Variants in ZNF724 observed in about 807,000 individuals in gnomAD.
The protein encoded by ZNF724 is zinc finger protein 724.
ZNF724 carries 14 observed loss-of-function variants against 29.3 expected under a neutral mutation model. That is an observed-to-expected ratio of 0.48 (90% CI 0.32 to 0.75). The LOEUF is 0.75. Among genes scored for constraint, ZNF724 ranks in the 30% least tolerant of loss-of-function variants. The pLI is 0.04. For synonymous variants in ZNF724, 180 were observed against 193.6 expected, an observed-to-expected ratio of 0.93 and a Z score of 0.58; for missense variants, 557 against 571.2, an observed-to-expected ratio of 0.98 and a Z score of 0.25.
At chr19:23,246,623 C>A (rs542889553) in intron 1 of ZNF724, among the ~76,000 whole-genome samples, 2 of 151,872 alleles carry the variant, frequency 1.3e-5, no homozygotes, top group African/African-American at 4.8e-5. Context: ...CATTGCACTC[C>A]AGCCTGGGCG....
intron 1 of ZNF724, among the ~76,000 whole-genome samples, chr19:23,235,039 A>G (rs1320335714): frequency 1.3e-5 from 2 of 152,236 alleles, no homozygotes; most frequent in Admixed American, 6.5e-5. Flanking sequence ...GGTTCTTTAA[A>G]GTTTACAGAG....
At chr19:23,238,189 C>T (rs1370733502) in intron 1 of ZNF724, among the ~76,000 whole-genome samples, 1 of 151,858 alleles carries the variant, frequency 6.6e-6, no homozygotes, top group African/African-American at 2.4e-5. Context: ...CACGGTGAAA[C>T]CCCATCTCTA....
chr19:23,229,899 T>A (rs1040250550), intron 3 of ZNF724, among the ~76,000 whole-genome samples: 3 of 152,146 alleles, frequency 2.0e-5, no homozygotes. Flanking sequence ...TGTAGCAGAA[T>A]AATTAGAACA....
chr19:23,246,349 A>G (rs189926511), intron 1 of ZNF724, among the ~76,000 whole-genome samples: 20 of 152,290 alleles, frequency 1.3e-4, no homozygotes, highest in African/African-American at 4.6e-4. Flanking sequence ...GGAGGTACCA[A>G]GTTTTGTCTT....
At chr19:23,243,039 C>CAAAAAAAA (rs762188669) in intron 1 of ZNF724, among the ~76,000 whole-genome samples, 8 of 112,198 alleles carry the variant, frequency 7.1e-5, no homozygotes, top group Admixed American at 1.1e-4. Flanking sequence ...AACTCCATCT[C>CAAAAAAAA]AAAAAAAAAA....
Position 23,222,680 on chromosome 19 carries a change from G to C in ZNF724, c.1565C>G (p.Ala522Gly), listed in dbSNP as rs1328439477. 1.0e-5 allele frequency: 14 copies of C among 1,379,546 alleles called. No individual in the cohort carries two copies. In the South Asian group the frequency reaches 1.6e-4, roughly 16 times the overall value. The allele number at this position is 1,379,546 out of a possible 1,614,324, so 85.5% of individuals were successfully genotyped here. A position where few individuals can be genotyped will look rare whatever the true frequency, so the allele number is the denominator to read the frequency against. ...GKAFNQSSTL[A>G]RHKIIHAGEK... ...TCCAGCATGAATTATCTTATGTCTA[G>C]CAAGTGTCGAGGATTGGTTAAAAGC... The change falls in exon 4 of 4, where the codon GCT (alanine) becomes GGT (glycine). Residue 522 changes from alanine (A) to glycine (G), a missense_variant. This residue lies in a region of ZNF724 where 170 missense variants were observed against 220.7 expected (regional missense o/e 0.77). Coordinates refer to ENST00000418100, the MANE Select transcript of ZNF724 (RefSeq NM_001355404.2).
intron 3 of ZNF724, among the ~76,000 whole-genome samples, chr19:23,228,063 G>A (rs1011626262): frequency 1.3e-5 from 2 of 152,094 alleles, no homozygotes; most frequent in African/African-American, 4.8e-5. Flanking sequence ...CAGCTATATG[G>A]TACACTGAGG....
At chr19:23,235,979 T>C (rs3889130) in intron 1 of ZNF724, among the ~76,000 whole-genome samples, 129,477 of 152,118 alleles carry the variant, frequency 0.85, 55,157 homozygotes, top group South Asian at 0.93. Flanking sequence ...AAAGAATTTA[T>C]AGCACCATGT....
rs1198571467 is a variant in ZNF724, at chr19:23,223,887, C to A, written c.358G>T (p.Val120Leu). 1.3e-6 allele frequency: 1 copy of A among 778,012 alleles called. No individual in the cohort carries two copies. Among genetic ancestry groups the A allele is most frequent in the African/African-American group, 1.7e-5 (1 of 59,200 alleles). The allele number at this position is 778,012 out of a possible 1,614,324, so 48.2% of individuals were successfully genotyped here. ...NLQLKKGYKS[V>L]DEYKVHKGSY... ...CCTTTGTGCACCTTGTACTCATCCA[C>A]ACTTTTATAGCCTTTTTTTAACTGT... The change falls in exon 4 of 4, where the codon GTG (valine) becomes TTG (leucine). Residue 120 changes from valine (V) to leucine (L), a missense_variant. Transcript: ENST00000418100.
At chr19:23,235,809 A>C (rs898814799) in intron 1 of ZNF724, among the ~76,000 whole-genome samples, 8 of 152,214 alleles carry the variant, frequency 5.3e-5, no homozygotes, top group African/African-American at 1.9e-4. Flanking sequence ...AATATAATTA[A>C]AAGAAAAAAT....
intron 1 of ZNF724, among the ~76,000 whole-genome samples, chr19:23,243,998 G>GA: frequency 6.7e-6 from 1 of 150,148 alleles, no homozygotes. Context: ...GTATCTTGGT[G>GA]AAAAAATAAT....
chr19:23,249,343 C>G (rs1052976934), intron 1 of ZNF724, among the ~76,000 whole-genome samples: 9 of 149,828 alleles, frequency 6.0e-5, no homozygotes, highest in African/African-American at 2.2e-4. Flanking sequence ...CAGGTTCAAG[C>G]GATTGTCCCG....
intron 3 of ZNF724, 62 bp downstream of exon 3, chr19:23,231,204 G>T: frequency 8.7e-7 from 1 of 1,155,428 alleles, no homozygotes; most frequent in Non-Finnish European, 1.2e-6. Context: ...TTCAAAAACT[G>T]ACTTTCTCCT....
At chr19:23,246,805 T>G (rs912082323) in intron 1 of ZNF724, among the ~76,000 whole-genome samples, 1 of 152,242 alleles carries the variant, frequency 6.6e-6, no homozygotes, top group Non-Finnish European at 1.5e-5. Context: ...TACCACATTT[T>G]CTTGTGAACA....
intron 1 of ZNF724, among the ~76,000 whole-genome samples, chr19:23,246,230 C>T (rs1476530259): frequency 1.3e-5 from 2 of 152,090 alleles, no homozygotes; most frequent in Non-Finnish European, 2.9e-5. Context: ...AAGTTTTATA[C>T]CTCAATAAGA....
At chr19:23,228,873 G>C (rs1171923215) in intron 3 of ZNF724, among the ~76,000 whole-genome samples, 1 of 150,044 alleles carries the variant, frequency 6.7e-6, no homozygotes, top group East Asian at 2.0e-4. Context: ...CTGGGCGACA[G>C]AGCGAGACTC....
chr19:23,225,188 AC>A (rs1971804970), intron 3 of ZNF724, among the ~76,000 whole-genome samples: 1 of 152,200 alleles, frequency 6.6e-6, no homozygotes, highest in African/African-American at 2.4e-5. Context: ...AGATATGTAA[AC>A]ATCTATCTTT....
chr19:23,231,694 A>T (rs1971935764), intron 2 of ZNF724, among the ~76,000 whole-genome samples: 1 of 148,558 alleles, frequency 6.7e-6, no homozygotes, highest in African/African-American at 2.5e-5. Flanking sequence ...AACATCTTGA[A>T]TTTTTTTTTT....
chr19:23,223,573 T>A lies in ZNF724; in HGVS notation c.672A>T (p.Lys224Asn). 1.4e-6 allele frequency: 1 copy of A among 722,884 alleles called. No homozygotes were observed. Among genetic ancestry groups the A allele is most frequent in the South Asian group, 1.5e-5 (1 of 68,682 alleles). The allele number at this position is 722,884 out of a possible 1,614,324, so 44.8% of individuals were successfully genotyped here. A position where few individuals can be genotyped will look rare whatever the true frequency, so the allele number is the denominator to read the frequency against. ...SQHKRIHTGQ[K>N]HYKCEECGIA... is the part of the protein sequence containing the mutation. ...TGCCACATTCTTCACATTTGTAGTG[T>A]TTTTGTCCTGTATGAATTCTCTTAT... The change falls in exon 4 of 4, where the codon AAA (lysine) becomes AAT (asparagine). Residue 224 changes from lysine (K) to asparagine (N), a missense_variant. By Grantham distance (94) the Lys-to-Asn change is moderately conservative. Transcript: ENST00000418100.
Sources: gnomAD v4.1 joint callset for allele counts (sites outside exome capture counted in the v4.1 genomes callset) on GRCh38, gnomAD v4.1.1 for gene constraint, gnomAD v4.1.1 regional missense constraint, MANE v1.5 for transcripts, NCBI Gene and HGNC (gene_info 2026-07-23, HGNC 2026-07-21) for gene names.